The following ZNF254 variants were observed in gnomAD, a reference collection of about 807,000 sequenced individuals.
ZNF254 encodes zinc finger protein 254.
ZNF254 carries 10 observed loss-of-function variants against 12.4 expected under a neutral mutation model. The ratio of observed to expected loss-of-function variants is 0.80; its 90% CI spans 0.50 to 1.36. The LOEUF (loss-of-function observed/expected upper bound fraction) is 1.36, where lower values mean the gene tolerates loss of function less well. Ranked by LOEUF, ZNF254 falls within the 40% of genes most tolerant of loss-of-function variation. The pLI is 0.00. For missense variants in ZNF254, 996 were observed against 763.9 expected (o/e 1.30, Z -3.58); for synonymous variants, 305 against 253.4 (o/e 1.20, Z -1.93).
At chr19:24,117,294 G>A (rs1385650659) in intron 3 of ZNF254, among the ~76,000 whole-genome samples, 1 of 152,160 alleles carries the variant, frequency 6.6e-6, no homozygotes, top group Admixed American at 6.5e-5. Context: ...CCTGCCCCCA[G>A]AGGTGGAGCC....
chr19:24,036,965 C>G (rs1969989491), intron 1 of ZNF254, among the ~76,000 whole-genome samples: 2 of 152,174 alleles, frequency 1.3e-5, no homozygotes, highest in Non-Finnish European at 2.9e-5. Context: ...AAGAATTACA[C>G]AAGTGCCTAG....
intron 2 of ZNF254, among the ~76,000 whole-genome samples, chr19:24,071,335 A>G (rs1971473112): frequency 6.6e-6 from 1 of 152,094 alleles, no homozygotes; most frequent in African/African-American, 2.4e-5. Context: ...TCCACAGGAG[A>G]CATAGTGAAT....
intron 2 of ZNF254, among the ~76,000 whole-genome samples, chr19:24,069,062 A>C (rs1015948131): frequency 6.6e-6 from 1 of 151,974 alleles, no homozygotes; most frequent in African/African-American, 2.4e-5. Context: ...GCTAAAGTGC[A>C]GTGGCATGAT....
intron 1 of ZNF254, among the ~76,000 whole-genome samples, chr19:24,089,022 G>T (rs1334845145): frequency 7.2e-6 from 1 of 139,696 alleles, no homozygotes; most frequent in African/African-American, 2.8e-5. Flanking sequence ...TGTTGCCCAG[G>T]CTGGAGTGCA....
In ZNF254 at chr19:24,051,317, G is replaced by C. The variant is rs756470267; in HGVS notation, c.-94+5038G>C. ...GGATTACAGGTACACATGCCACCAC[G>C]CCCAGCTAATTTTTGTATTTTTAGT... is the stretch of plus-strand genomic sequence containing the variant. On this transcript the variant is annotated intron_variant, in intron 2 of 4. Coordinates refer to the ZNF254 transcript ENST00000613065. Among the ~76,000 whole-genome samples, 13 of 151,946 alleles carry C rather than the reference G, an allele frequency of 8.6e-5. No individual in the cohort carries two copies. The South Asian group carries it at 2.7e-3, about 32-fold the overall frequency.
Position 24,126,899 on chromosome 19 carries a change from G to A in ZNF254, c.899G>A (p.Gly300Asp), listed in dbSNP as rs779575755. The change falls in exon 4 of 4, where the codon GGC (glycine) becomes GAC (aspartate). Residue 300 changes from glycine to aspartate, a missense_variant. Coordinates refer to ENST00000357002, the MANE Select transcript of ZNF254 (RefSeq NM_203282.4). ...AAACCTTACAAGTGTGAAGAATGTGGCAAAGCATTTATCTGGTCCTCAACC... is the reference window on the plus strand; with the variant it reads ...AAACCTTACAAGTGTGAAGAATGTGACAAAGCATTTATCTGGTCCTCAACC... ...GEKPYKCEEC[G>D]KAFIWSSTLT... 36 of 1,613,404 alleles carry A rather than the reference G, an allele frequency of 2.2e-5. No homozygotes were observed. Among genetic ancestry groups the A allele is most frequent in the Non-Finnish European group, 2.8e-5 (33 of 1,179,756 alleles).
chr19:24,036,140 C>T (rs549917067), intron 1 of ZNF254, among the ~76,000 whole-genome samples: 69 of 152,230 alleles, frequency 4.5e-4, no homozygotes, highest in African/African-American at 1.6e-3. Context: ...TGGCTCACTG[C>T]GAGCTCCGCC....
At chr19:24,041,335 G>C (rs576865747) in intron 1 of ZNF254, among the ~76,000 whole-genome samples, 2 of 152,336 alleles carry the variant, frequency 1.3e-5, no homozygotes, top group South Asian at 4.1e-4. Flanking sequence ...AGCGGGAACC[G>C]GGGCTGCGTG....
chr19:24,093,447 A>C (rs1315678814), intron 1 of ZNF254, among the ~76,000 whole-genome samples: 1 of 152,182 alleles, frequency 6.6e-6, no homozygotes, highest in South Asian at 2.1e-4. Flanking sequence ...TCAGTCTTTA[A>C]TCTTGAGTTG....
chr19:24,040,431 A>G (rs1280898925), intron 1 of ZNF254, among the ~76,000 whole-genome samples: 3 of 152,236 alleles, frequency 2.0e-5, no homozygotes, highest in Admixed American at 6.5e-5. Context: ...TGCAGATCCA[A>G]TAATTGTTCC....
intron 1 of ZNF254, chr19:24,098,314 A>G (rs528034503): frequency 1.3e-5 from 2 of 152,212 alleles, no homozygotes; most frequent in Non-Finnish European, 2.9e-5. Context: ...TTACAGGACA[A>G]ATAAAGGCAA....
At chr19:24,079,055 A>G (rs1971757489) in intron 2 of ZNF254, 1 of 152,162 alleles carries the variant, frequency 6.6e-6, no homozygotes, top group Non-Finnish European at 1.5e-5. Flanking sequence ...CCTCTAACGG[A>G]TATTTATACT....
intron 1 of ZNF254, among the ~76,000 whole-genome samples, chr19:24,102,817 T>G (rs1973113232): frequency 6.6e-6 from 1 of 152,194 alleles, no homozygotes; most frequent in Admixed American, 6.5e-5. Context: ...ACAATAAAAA[T>G]TCATCTACAT....
chr19:24,107,369 T>A (rs983372458), intron 3 of ZNF254: 4 of 414,798 alleles, frequency 9.6e-6, no homozygotes, highest in Non-Finnish European at 1.7e-5. Context: ...TCCTCTCTAA[T>A]TTTTTTCATT....
rs181709631 is a variant in ZNF254 at position 24,117,168 on chromosome 19, T to A, written c.254-9086T>A. On this transcript the variant is annotated intron_variant, in intron 3 of 3. Transcript: ENST00000357002. ...GGGTCCGGGACCCACTTGAGGAGTC[T>A]GTCTGCCTGTTCTCAGATCTCCAGC... Among the ~76,000 whole-genome samples the A allele has an allele frequency of 5.2e-3, 797 of 152,292 alleles. 7 individuals are homozygous for A. Among genetic ancestry groups the A allele is most frequent in the Middle Eastern group, 0.02 (6 of 294 alleles).
intron 1 of ZNF254, among the ~76,000 whole-genome samples, chr19:24,038,397 C>T (rs930035755): frequency 2.0e-5 from 3 of 152,186 alleles, no homozygotes; most frequent in African/African-American, 7.2e-5. Flanking sequence ...AGTTCTTCTA[C>T]TTGAGAACTA....
At chr19:24,034,026 A>T (rs576877856) in intron 1 of ZNF254, among the ~76,000 whole-genome samples, 2 of 152,224 alleles carry the variant, frequency 1.3e-5, no homozygotes, top group South Asian at 4.1e-4. Flanking sequence ...GTGCAGTGGC[A>T]CGATCACTGC....
At chr19:24,074,638 C>T (rs868551542) in intron 2 of ZNF254, among the ~76,000 whole-genome samples, 7 of 152,130 alleles carry the variant, frequency 4.6e-5, no homozygotes, top group African/African-American at 1.7e-4. Context: ...TATCTCTGGG[C>T]CCATTACCTA....
chr19:24,099,158 G>A lies in ZNF254; in HGVS notation c.31-6782G>A, dbSNP rs141834748. On this transcript the variant is annotated intron_variant, in intron 1 of 3. Transcript: ENST00000357002. The stretch of plus-strand genomic sequence containing the variant: ...TTACAGGTGCCCTCCACCATGCCCA[G>A]CTATTTTTTTTTTTTTTCTTGTATT... 2.1e-3 allele frequency among the ~76,000 whole-genome samples: 310 copies of A among 149,190 alleles called. 2 individuals carry two copies. The highest frequency in any genetic ancestry group is 7.4e-3 in the African/African-American group (298 of 40,456).
Sources: allele counts gnomAD v4.1 joint callset (sites outside exome capture counted in the v4.1 genomes callset), GRCh38; gene constraint gnomAD v4.1.1; transcripts MANE v1.5; gene names NCBI Gene and HGNC (gene_info 2026-07-23, HGNC 2026-07-21).